The following DDI2 variants were observed in gnomAD, a reference collection of about 807,000 sequenced individuals.
DDI2 encodes DDI proteasomal shuttling factor 2.
Under a neutral mutation model 48.1 loss-of-function variants are expected in DDI2, and 5 were observed. The ratio of observed to expected loss-of-function variants is 0.10; its 90% confidence interval spans 0.05 to 0.22. The LOEUF is 0.22. Among genes scored for constraint, DDI2 ranks in the 10% least tolerant of loss-of-function variants. The pLI is 1.00. For synonymous variants in DDI2, 205 were observed against 183.6 expected, an observed-to-expected ratio of 1.12 and a Z score of -0.94; for missense variants, 285 against 506.2, an observed-to-expected ratio of 0.56 and a Z score of 4.19.
In DDI2 at chr1:15,643,832, G is replaced by A. The variant is rs536966656; in HGVS notation, c.889+182G>A. ...CTAGAAGTTTTAAATCCTGTGTTCCGTCAAAGTTATGTGTTTCTGCTGGTT... is the reference window on the plus strand; with the variant it reads ...CTAGAAGTTTTAAATCCTGTGTTCCATCAAAGTTATGTGTTTCTGCTGGTT... On this transcript the variant is annotated intron_variant, in intron 6 of 9. Coordinates refer to ENST00000480945, the MANE Select transcript of DDI2 (RefSeq NM_032341.5). Among the ~76,000 whole-genome samples the A allele has an allele frequency of 4.5e-4, 68 of 152,262 alleles. 1 individual carries two copies. The highest frequency in any genetic ancestry group is 4.7e-4 in the Non-Finnish European group (32 of 68,036).
rs996987579 is a variant in DDI2, at chr1:15,668,347, G to A, written c.*8557G>A. 1 of 152,100 alleles carries A rather than the reference G, an allele frequency of 6.6e-6. No individual in the cohort carries two copies. The highest frequency in any genetic ancestry group is 1.5e-5 in the Non-Finnish European group (1 of 68,024). 9.4% of individuals were successfully genotyped at this position (152,100 alleles called of 1,614,324 possible). A position where few individuals can be genotyped will look rare whatever the true frequency, so the allele number is the denominator to read the frequency against. On this transcript the variant is annotated 3_prime_UTR_variant, in exon 10 of 10. Coordinates refer to ENST00000480945, the MANE Select transcript of DDI2 (RefSeq NM_032341.5). ...AGCTGAGTTTATGGCACCCATCCAA[G>A]ACCTTCCCATTTGAATGACTAGATT...
At position 15,664,668 on chromosome 1, in the gene DDI2, A is replaced by G. The variant is rs973120597; in HGVS notation, c.*4878A>G. On this transcript the variant is annotated 3_prime_UTR_variant, in exon 10 of 10. Coordinates refer to ENST00000480945, the MANE Select transcript of DDI2 (RefSeq NM_032341.5). ...GTAATAACCAGTAATGGGCACCTTT[A>G]CCGGACAGCTCCTTTACCATAACCA... The G allele has an allele frequency of 4.6e-5, 7 of 152,164 alleles. No individual in the cohort carries two copies. The highest frequency in any genetic ancestry group is 1.7e-4 in the African/African-American group (7 of 41,434). The allele number at this position is 152,164 out of a possible 1,614,324, so 9.4% of individuals were successfully genotyped here. A position where few individuals can be genotyped will look rare whatever the true frequency, so the allele number is the denominator to read the frequency against.
Position 15,667,932 on chromosome 1 carries a change from T to C in DDI2, c.*8142T>C, listed in dbSNP as rs1282562005. 2.0e-5 allele frequency: 3 copies of C among 152,118 alleles called. No homozygotes were observed. Among genetic ancestry groups the C allele is most frequent in the Non-Finnish European group, 4.4e-5 (3 of 68,030 alleles). The allele number at this position is 152,118 out of a possible 1,614,324, so 9.4% of individuals were successfully genotyped here. A position where few individuals can be genotyped will look rare whatever the true frequency, so the allele number is the denominator to read the frequency against. The stretch of plus-strand genomic sequence containing the variant: ...GGAATGAAATCGGCCAAGAAAATGG[T>C]TCAAGGGCATGGGGGTTAGAGAATG... On this transcript the variant is annotated 3_prime_UTR_variant, in exon 10 of 10. Coordinates refer to ENST00000480945, the MANE Select transcript of DDI2 (RefSeq NM_032341.5).
intron 6 of DDI2, among the ~76,000 whole-genome samples, chr1:15,644,873 G>T (rs561981367): frequency 6.6e-6 from 1 of 150,954 alleles, no homozygotes; most frequent in East Asian, 2.0e-4. Context: ...GATTACAGGC[G>T]TGAGCCACCG....
intron 5 of DDI2, among the ~76,000 whole-genome samples, chr1:15,641,244 G>T (rs1310275615): frequency 2.6e-5 from 4 of 152,120 alleles, no homozygotes; most frequent in Non-Finnish European, 5.9e-5. Context: ...GGCTGAGGCG[G>T]GTAGACCATT....
chr1:15,626,771 G>C lies in DDI2; in HGVS notation c.241G>C (p.Asp81His), dbSNP rs1172758195. The C allele has an allele frequency of 8.1e-6, 13 of 1,614,032 alleles. No homozygotes were observed. Among genetic ancestry groups the C allele is most frequent in the Non-Finnish European group, 1.0e-5 (12 of 1,180,040 alleles). Residue 81 changes from aspartate (D) to histidine (H), a missense_variant, in exon 2 of 10, where the codon GAC becomes CAC. By Grantham distance (81) the Asp-to-His change is moderately conservative. Around this residue, in one of 3 missense-constraint regions of DDI2, gnomAD observed 149 missense variants for 236.5 expected, o/e 0.63. Transcript: ENST00000480945. ...VVILRQKENA[D>H]PRPPVQFPNL... is the part of the protein sequence containing the mutation. ...GATTTTACGACAGAAGGAGAATGCA[G>C]ACCCTCGACCTCCAGTGCAGTTCCC...
intron 4 of DDI2, among the ~76,000 whole-genome samples, chr1:15,636,982 A>C (rs1321594996): frequency 6.6e-6 from 1 of 152,230 alleles, no homozygotes; most frequent in Non-Finnish European, 1.5e-5. Context: ...AGGTTATCCC[A>C]AATCTTAGAA....
At chr1:15,641,121 A>T (rs1192730782) in intron 5 of DDI2, among the ~76,000 whole-genome samples, 1 of 152,206 alleles carries the variant, frequency 6.6e-6, no homozygotes, top group Non-Finnish European at 1.5e-5. Context: ...AACTAATCTC[A>T]TAAGGAGTGG....
At chr1:15,648,845 A>AAG (rs1255653924) in intron 6 of DDI2, among the ~76,000 whole-genome samples, 1 of 151,552 alleles carries the variant, frequency 6.6e-6, no homozygotes, top group Admixed American at 6.6e-5. Context: ...AAAAAAAAAA[A>AAG]AAAAAAACAA....
In DDI2 at chr1:15,617,734, G is replaced by T; in HGVS notation, c.64G>T (p.Asp22Tyr). ...CGAGGTGACCTTTTCCCTCCAGGTC[G>T]ACGCCGACTTCGAGCTGCACAACTT... ...LSEVTFSLQV[D>Y]ADFELHNFRA... The change falls in exon 1 of 10, where the codon GAC becomes TAC. Residue 22 changes from aspartate (D) to tyrosine (Y), a missense_variant. This residue lies in a region of DDI2 where 149 missense variants were observed against 236.5 expected (regional missense o/e 0.63). Coordinates refer to ENST00000480945, the MANE Select transcript of DDI2 (RefSeq NM_032341.5). The T allele has an allele frequency of 6.2e-7, 1 of 1,610,660 alleles. No individual in the cohort carries two copies. The highest frequency in any genetic ancestry group is 1.1e-5 in the South Asian group (1 of 90,664).
chr1:15,623,595 G>T (rs1639705574), intron 1 of DDI2, among the ~76,000 whole-genome samples: 1 of 115,918 alleles, frequency 8.6e-6, no homozygotes. Flanking sequence ...TAGAGATGGG[G>T]TCTTGCTGTA....
chr1:15,667,747 T>A lies in DDI2; in HGVS notation c.*7957T>A, dbSNP rs1640477144. On this transcript the variant is annotated 3_prime_UTR_variant, in exon 10 of 10. Coordinates refer to ENST00000480945, the MANE Select transcript of DDI2 (RefSeq NM_032341.5). ...TAATGCTGAAGCATACAGGTAGAATTTCTGGATCGTAACTACTAGTGACTT... is the reference window on the plus strand; with the variant it reads ...TAATGCTGAAGCATACAGGTAGAATATCTGGATCGTAACTACTAGTGACTT... The A allele has an allele frequency of 6.6e-6, 1 of 152,216 alleles. No individual in the cohort carries two copies. Among genetic ancestry groups the A allele is most frequent in the Admixed American group, 6.5e-5 (1 of 15,284 alleles). The allele number at this position is 152,216 out of a possible 1,614,324, so 9.4% of individuals were successfully genotyped here. A position where few individuals can be genotyped will look rare whatever the true frequency, so the allele number is the denominator to read the frequency against.
chr1:15,666,181 C>T lies in DDI2; in HGVS notation c.*6391C>T, dbSNP rs1222508645. ...TAAAATCATGGTTCAAGTTTTATACCTTAGTGATTCCTCAGTAGGTGTTAC... is the reference window on the plus strand; with the variant it reads ...TAAAATCATGGTTCAAGTTTTATACTTTAGTGATTCCTCAGTAGGTGTTAC... On this transcript the variant is annotated 3_prime_UTR_variant, in exon 10 of 10. Transcript: ENST00000480945. 2.0e-5 allele frequency: 3 copies of T among 152,126 alleles called. No individual in the cohort carries two copies. The highest frequency in any genetic ancestry group is 2.9e-5 in the Non-Finnish European group (2 of 68,016). 9.4% of individuals were successfully genotyped at this position (152,126 alleles called of 1,614,324 possible). A position where few individuals can be genotyped will look rare whatever the true frequency, so the allele number is the denominator to read the frequency against.
chr1:15,650,623 G>A (rs1449647352), intron 7 of DDI2, among the ~76,000 whole-genome samples: 1 of 152,122 alleles, frequency 6.6e-6, no homozygotes, highest in Non-Finnish European at 1.5e-5. Context: ...TGGTACATTA[G>A]CTACTCGTGA....
In DDI2 at chr1:15,662,031, G is replaced by A; in HGVS notation, c.*2241G>A. 1 of 234,774 alleles carries A rather than the reference G, an allele frequency of 4.3e-6. No individual in the cohort carries two copies. The highest frequency in any genetic ancestry group is 8.3e-6 in the Non-Finnish European group (1 of 120,302). The allele number at this position is 234,774 out of a possible 1,614,324, so 14.5% of individuals were successfully genotyped here. The stretch of plus-strand genomic sequence containing the variant: ...AATAAAATGGATGGTTTTGTGTGTA[G>A]CATACTGTTTTAGAATGAGAGTAAA... On this transcript the variant is annotated 3_prime_UTR_variant, in exon 10 of 10. Coordinates refer to ENST00000480945, the MANE Select transcript of DDI2 (RefSeq NM_032341.5).
chr1:15,617,610 T>G lies in DDI2; in HGVS notation c.-61T>G. On this transcript the variant is annotated 5_prime_UTR_variant, in exon 1 of 10. Transcript: ENST00000480945. Reference sequence around the variant, plus strand: ...ACCAGCCAGGCCACGCCGCCGCCTCTTCCCCTGCGCCCCGCGCCCAGGCCG... The same window carrying G: ...ACCAGCCAGGCCACGCCGCCGCCTCGTCCCCTGCGCCCCGCGCCCAGGCCG... 3.2e-6 allele frequency: 4 copies of G among 1,269,800 alleles called. No individual in the cohort carries two copies. Among genetic ancestry groups the G allele is most frequent in the Non-Finnish European group, 4.0e-6 (4 of 1,001,570 alleles). 78.7% of individuals were successfully genotyped at this position (1,269,800 alleles called of 1,614,324 possible).
intron 1 of DDI2, among the ~76,000 whole-genome samples, chr1:15,625,642 C>G (rs929936802): frequency 2.6e-5 from 4 of 152,092 alleles, no homozygotes; most frequent in African/African-American, 9.7e-5. Context: ...ACCACCCCAC[C>G]AAGATGGAAT....
chr1:15,652,446 C>CGGGGGGG (rs1396074011), intron 8 of DDI2, among the ~76,000 whole-genome samples: 1 of 15,918 alleles, frequency 6.3e-5, no homozygotes. Context: ...TGGGAGGCTC[C>CGGGGGGG]GGAGGGGGGG....
chr1:15,641,697 G>A (rs962601846), intron 5 of DDI2, among the ~76,000 whole-genome samples: 2 of 151,980 alleles, frequency 1.3e-5, no homozygotes, highest in African/African-American at 4.8e-5. Flanking sequence ...GCTCAAACCT[G>A]TAATCCCAGC....
Sources: gnomAD v4.1 joint callset for allele counts (sites outside exome capture counted in the v4.1 genomes callset) on GRCh38, gnomAD v4.1.1 for gene constraint, gnomAD v4.1.1 regional missense constraint, MANE v1.5 for transcripts, NCBI Gene and HGNC (gene_info 2026-07-23, HGNC 2026-07-21) for gene names.